ENPP1: variants seen among roughly 807,000 people sequenced by gnomAD.
The protein encoded by ENPP1 is ectonucleotide pyrophosphatase/phosphodiesterase 1, also known as ectonucleotide pyrophosphatase/phosphodiesterase family member 1.
A neutral mutation model predicts 122.8 loss-of-function variants in ENPP1; 73 were observed. The observed-to-expected ratio is 0.59, with a 90% CI of 0.49 to 0.72. The LOEUF is 0.72. Ranked by LOEUF, ENPP1 falls within the 30% of genes least tolerant of loss-of-function variation. ENPP1 has a pLI of 0.00. For synonymous variants in ENPP1, 367 were observed against 391.6 expected, an observed-to-expected ratio of 0.94 and a Z score of 0.74; for missense variants, 978 against 1,128.1, an observed-to-expected ratio of 0.87 and a Z score of 1.91.
intron 1 of ENPP1, among the ~76,000 whole-genome samples, chr6:131,832,389 A>T (rs79363539): frequency 6.6e-6 from 1 of 152,214 alleles, no homozygotes; most frequent in East Asian, 1.9e-4. Flanking sequence ...CCTTTCTCCA[A>T]TGAAGTGATA....
intron 13 of ENPP1, among the ~76,000 whole-genome samples, chr6:131,870,438 C>G (rs1782146943): frequency 6.6e-6 from 1 of 152,206 alleles, no homozygotes; most frequent in Non-Finnish European, 1.5e-5. Flanking sequence ...TTACCTCCCT[C>G]TCTTTTTGAT....
chr6:131,836,232 C>T (rs1279390704), intron 1 of ENPP1, among the ~76,000 whole-genome samples: 1 of 152,038 alleles, frequency 6.6e-6, no homozygotes, highest in Non-Finnish European at 1.5e-5. Flanking sequence ...CCTGCCTCAG[C>T]CTCCCTAGTA....
chr6:131,852,332 T>G, intron 5 of ENPP1, 97 bp downstream of exon 5: 2 of 781,620 alleles, frequency 2.6e-6, no homozygotes, highest in Admixed American at 2.0e-5. Flanking sequence ...ATAAAATCAC[T>G]GGTTTATTAA....
chr6:131,848,235 G>A lies in ENPP1; in HGVS notation c.313+387G>A, dbSNP rs142221444. On this transcript the variant is annotated intron_variant, in intron 2 of 24. Coordinates refer to ENST00000647893, the MANE Select transcript of ENPP1 (RefSeq NM_006208.3). ...AAACCTGTCAGTATGTGCTCTTAAG[G>A]TTCTAAAATTGCAGACATTGGTTGT... 7.2e-5 allele frequency among the ~76,000 whole-genome samples: 11 copies of A among 152,166 alleles called. 1 individual carries two copies. The East Asian group carries it at 2.1e-3, about 29-fold the overall frequency.
At chr6:131,826,757 C>A in intron 1 of ENPP1, 2 of 474,634 alleles carry the variant, frequency 4.2e-6, no homozygotes, top group Non-Finnish European at 7.9e-6. Flanking sequence ...GGCTACTCTG[C>A]AAGTAGAGGG....
At chr6:131,841,840 C>T (rs1781744149) in intron 1 of ENPP1, among the ~76,000 whole-genome samples, 1 of 152,148 alleles carries the variant, frequency 6.6e-6, no homozygotes, top group South Asian at 2.1e-4. Context: ...TGAGGAGGGT[C>T]TAGCAAGTCC....
In ENPP1 at chr6:131,893,535, C is replaced by T. The variant is rs1056737504; in HGVS notation, c.*3024C>T. 3 of 152,234 alleles carry T rather than the reference C, an allele frequency of 2.0e-5. No individual in the cohort carries two copies. The highest frequency in any genetic ancestry group is 2.9e-5 in the Non-Finnish European group (2 of 68,038). 9.4% of individuals were successfully genotyped at this position (152,234 alleles called of 1,614,324 possible). ...AACATTTTTGACATTTTCCCATTTA[C>T]AGCTACTTATATTTTCTACAAGTGT... On this transcript the variant is annotated 3_prime_UTR_variant, in exon 25 of 25. Transcript: ENST00000647893.
At chr6:131,829,997 C>T (rs368270739) in intron 1 of ENPP1, among the ~76,000 whole-genome samples, 11 of 151,996 alleles carry the variant, frequency 7.2e-5, no homozygotes, top group South Asian at 2.1e-4. Flanking sequence ...TCTGAGTTGG[C>T]GGATCAAAAG....
intron 1 of ENPP1, among the ~76,000 whole-genome samples, chr6:131,830,405 ACACTCCCTATAGGTGAC>A (rs1168536147): frequency 1.3e-5 from 2 of 152,186 alleles, no homozygotes; most frequent in Non-Finnish European, 2.9e-5. Context: ...TTTAGCTGAG[ACACTCCCTATAGGTGAC>A]CACTCCCAGC....
chr6:131,844,905 T>C (rs1441467086), intron 1 of ENPP1, among the ~76,000 whole-genome samples: 2 of 152,146 alleles, frequency 1.3e-5, no homozygotes. Flanking sequence ...GAAAGGAATA[T>C]GGAATATGAC....
chr6:131,849,572 TA>T (rs1025890263), intron 2 of ENPP1, among the ~76,000 whole-genome samples: 2 of 152,074 alleles, frequency 1.3e-5, no homozygotes, highest in African/African-American at 2.4e-5. Context: ...TAACCACTTC[TA>T]AAAAAAATTT....
intron 13 of ENPP1, among the ~76,000 whole-genome samples, chr6:131,871,421 C>A (rs1782160969): frequency 6.6e-6 from 1 of 152,124 alleles, no homozygotes; most frequent in Non-Finnish European, 1.5e-5. Context: ...CCTCATACCC[C>A]TCTTATTTGA....
intron 6 of ENPP1, among the ~76,000 whole-genome samples, chr6:131,856,029 A>G (rs971043031): frequency 7.2e-5 from 11 of 152,044 alleles, no homozygotes; most frequent in African/African-American, 2.7e-4. Context: ...GTAAATTCAT[A>G]TGTACGTCAT....
intron 1 of ENPP1, among the ~76,000 whole-genome samples, chr6:131,814,533 G>C (rs527714394): frequency 6.6e-6 from 1 of 152,290 alleles, no homozygotes; most frequent in African/African-American, 2.4e-5. Flanking sequence ...CTTTATAAGA[G>C]GCAGAAGCTG....
At chr6:131,869,862 A>T (rs1209860413) in intron 13 of ENPP1, among the ~76,000 whole-genome samples, 3 of 151,262 alleles carry the variant, frequency 2.0e-5, no homozygotes, top group Admixed American at 2.0e-4. Flanking sequence ...TCTAAAAAAA[A>T]AAAAAAAAAA....
chr6:131,853,167 T>C (rs1781902202), intron 5 of ENPP1, among the ~76,000 whole-genome samples: 1 of 152,156 alleles, frequency 6.6e-6, no homozygotes, highest in South Asian at 2.1e-4. Context: ...TGTCTTCTTT[T>C]TTTTCTTTTG....
chr6:131,842,384 A>G (rs1781752636), intron 1 of ENPP1, among the ~76,000 whole-genome samples: 1 of 149,310 alleles, frequency 6.7e-6, no homozygotes, highest in Non-Finnish European at 1.5e-5. Context: ...GGTTGCTTCT[A>G]ACTATGTCAT....
At chr6:131,859,097 A>G (rs1781984454) in intron 7 of ENPP1, among the ~76,000 whole-genome samples, 2 of 152,188 alleles carry the variant, frequency 1.3e-5, no homozygotes, top group African/African-American at 2.4e-5. Flanking sequence ...TGTGTTCACA[A>G]CTTGTCTTTC....
intron 16 of ENPP1, among the ~76,000 whole-genome samples, chr6:131,874,927 TGGG>T (rs1782209719): frequency 6.6e-6 from 1 of 152,052 alleles, no homozygotes; most frequent in African/African-American, 2.4e-5. Context: ...TGGATGGAAT[TGGG>T]GGCCATTATC....
Sources: allele counts gnomAD v4.1 joint callset (sites outside exome capture counted in the v4.1 genomes callset), GRCh38; gene constraint gnomAD v4.1.1; transcripts MANE v1.5; gene names NCBI Gene and HGNC (gene_info 2026-07-23, HGNC 2026-07-21).